NKAIN2: variants seen among roughly 807,000 people sequenced by gnomAD.
NKAIN2 encodes sodium/potassium transporting ATPase interacting 2.
Under a neutral mutation model 32.6 loss-of-function variants are expected in NKAIN2, and 14 were observed. The ratio of observed to expected loss-of-function variants is 0.43; its 90% CI spans 0.28 to 0.67. NKAIN2 has a LOEUF of 0.67. Ranked by LOEUF, NKAIN2 falls within the 30% of genes least tolerant of loss-of-function variation. The pLI is 0.17. For missense variants in NKAIN2, 198 were observed against 258.3 expected (o/e 0.77, Z 1.60); for synonymous variants, 80 against 87.2 (o/e 0.92, Z 0.46).
intron 2 of NKAIN2, among the ~76,000 whole-genome samples, chr6:124,338,486 T>C (rs1319893081): frequency 1.3e-5 from 2 of 152,176 alleles, no homozygotes; most frequent in Admixed American, 1.3e-4. Flanking sequence ...CTTGCTTTTC[T>C]CCTTCTTTGC....
intron 1 of NKAIN2, among the ~76,000 whole-genome samples, chr6:124,267,147 T>G (rs1313095840): frequency 6.6e-6 from 1 of 152,176 alleles, no homozygotes; most frequent in Non-Finnish European, 1.5e-5. Context: ...TGAAGAACAG[T>G]GCAGCTCTAG....
intron 1 of NKAIN2, among the ~76,000 whole-genome samples, chr6:123,910,497 A>ATGTT (rs1775116623): frequency 2.0e-5 from 2 of 97,804 alleles, no homozygotes; most frequent in African/African-American, 8.4e-5. Context: ...CCTGCAATGC[A>ATGTT]TGTTTTTTTT....
chr6:124,263,187 G>A (rs1415301546), intron 1 of NKAIN2, among the ~76,000 whole-genome samples: 1 of 152,074 alleles, frequency 6.6e-6, no homozygotes, highest in Non-Finnish European at 1.5e-5. Context: ...TCGTACATTT[G>A]CATATGAAGT....
chr6:124,431,260 G>A (rs367732866), intron 3 of NKAIN2, among the ~76,000 whole-genome samples: 12 of 152,060 alleles, frequency 7.9e-5, no homozygotes, highest in East Asian at 5.8e-4. Context: ...CTATTTACTC[G>A]TTGCAATATC....
chr6:124,376,260 A>C (rs1024317712), intron 3 of NKAIN2, among the ~76,000 whole-genome samples: 1 of 152,162 alleles, frequency 6.6e-6, no homozygotes, highest in Non-Finnish European at 1.5e-5. Context: ...CTTTTCATCC[A>C]AGTGTGATTA....
intron 3 of NKAIN2, among the ~76,000 whole-genome samples, chr6:124,430,141 G>C (rs1024262615): frequency 6.6e-6 from 1 of 152,108 alleles, no homozygotes; most frequent in African/African-American, 2.4e-5. Flanking sequence ...TGAATTACTG[G>C]AATAATTCCT....
chr6:124,745,195 T>A (rs1035999065), intron 4 of NKAIN2, among the ~76,000 whole-genome samples: 26 of 151,774 alleles, frequency 1.7e-4, no homozygotes, highest in African/African-American at 6.3e-4. Flanking sequence ...CAAAACTAGA[T>A]CAAAATGGGA....
At position 124,167,125 on chromosome 6, in the gene NKAIN2, C is replaced by T. The variant is rs1290540375; in HGVS notation, c.55-115880C>T. On this transcript the variant is annotated intron_variant, in intron 1 of 6. Coordinates refer to ENST00000368417, the MANE Select transcript of NKAIN2 (RefSeq NM_001040214.3). ...ACCTTGGGCAGTATGGCCATTTTCACGATATTGATTCTTCCTACCCATGAG... is the reference window on the plus strand; with the variant it reads ...ACCTTGGGCAGTATGGCCATTTTCATGATATTGATTCTTCCTACCCATGAG... Among the ~76,000 whole-genome samples the T allele has an allele frequency of 4.9e-5, 7 of 143,376 alleles. No individual in the cohort carries two copies. The East Asian group carries it at 6.1e-4, about 12-fold the overall frequency. The allele number at this position is 143,376 out of a possible 152,430, so 94.1% of individuals were successfully genotyped here.
intron 3 of NKAIN2, among the ~76,000 whole-genome samples, chr6:124,431,113 A>G (rs1562180097): frequency 6.6e-6 from 1 of 152,218 alleles, no homozygotes; most frequent in Non-Finnish European, 1.5e-5. Context: ...CAAAATGCAT[A>G]TGATTGCAGT....
chr6:124,731,857 A>G (rs947413454), intron 4 of NKAIN2, among the ~76,000 whole-genome samples: 1 of 152,140 alleles, frequency 6.6e-6, no homozygotes, highest in Non-Finnish European at 1.5e-5. Flanking sequence ...AAATATTAAT[A>G]GGCAGTGTCT....
chr6:124,820,125 T>TC (rs1006957482), intron 6 of NKAIN2, among the ~76,000 whole-genome samples: 4 of 152,160 alleles, frequency 2.6e-5, no homozygotes, highest in Non-Finnish European at 5.9e-5. Flanking sequence ...ATACCTTCCT[T>TC]CCCTATCCCC....
chr6:124,075,368 A>T (rs564915857), intron 1 of NKAIN2, among the ~76,000 whole-genome samples: 1 of 152,322 alleles, frequency 6.6e-6, no homozygotes, highest in South Asian at 2.1e-4. Context: ...AAGTCTGTGC[A>T]TATAAGCATG....
At chr6:124,068,986 C>T (rs1242150368) in intron 1 of NKAIN2, among the ~76,000 whole-genome samples, 1 of 152,042 alleles carries the variant, frequency 6.6e-6, no homozygotes, top group African/African-American at 2.4e-5. Flanking sequence ...TGCAGGTACT[C>T]CTCAAAACAT....
chr6:124,622,339 G>A (rs1783137370), intron 3 of NKAIN2, among the ~76,000 whole-genome samples: 2 of 152,162 alleles, frequency 1.3e-5, no homozygotes, highest in African/African-American at 4.8e-5. Flanking sequence ...TGCGACAGGG[G>A]TGTGACTCAC....
intron 4 of NKAIN2, among the ~76,000 whole-genome samples, chr6:124,687,248 A>AGG (rs1439415504): frequency 1.4e-5 from 2 of 144,104 alleles, no homozygotes; most frequent in Non-Finnish European, 3.0e-5. Flanking sequence ...GAATATATAT[A>AGG]TTACCTATAT....
intron 3 of NKAIN2, among the ~76,000 whole-genome samples, chr6:124,552,286 A>C (rs946508579): frequency 3.3e-5 from 5 of 152,318 alleles, no homozygotes. Context: ...AGCCTATGGC[A>C]GGGATAGAAG....
At chr6:124,103,029 A>T in intron 1 of NKAIN2, among the ~76,000 whole-genome samples, 1 of 152,194 alleles carries the variant, frequency 6.6e-6, no homozygotes, top group Non-Finnish European at 1.5e-5. Flanking sequence ...CTGAAAATCG[A>T]TGACTAAGAG....
chr6:123,976,024 A>T (rs1324811369), intron 1 of NKAIN2, among the ~76,000 whole-genome samples: 1 of 151,394 alleles, frequency 6.6e-6, no homozygotes, highest in Non-Finnish European at 1.5e-5. Context: ...ACAAGATCTG[A>T]TGGTTTTATA....
chr6:124,191,297 T>C (rs1790008225), intron 1 of NKAIN2, among the ~76,000 whole-genome samples: 1 of 152,190 alleles, frequency 6.6e-6, no homozygotes, highest in Non-Finnish European at 1.5e-5. Flanking sequence ...CAGTAATGTT[T>C]TGTAGTTTCT....
Sources: allele counts gnomAD v4.1 joint callset (sites outside exome capture counted in the v4.1 genomes callset), GRCh38; gene constraint gnomAD v4.1.1; transcripts MANE v1.5; gene names NCBI Gene and HGNC (gene_info 2026-07-23, HGNC 2026-07-21).